BTLA: variants seen among roughly 807,000 people sequenced by gnomAD.
BTLA encodes the protein B- and T-lymphocyte attenuator.
BTLA carries 11 observed loss-of-function variants against 25.0 expected under a neutral mutation model. The observed-to-expected ratio is 0.44, with a 90% CI of 0.28 to 0.73. BTLA has a LOEUF of 0.73. Among genes scored for constraint, BTLA ranks in the 30% least tolerant of loss-of-function variants. The probability of loss-of-function intolerance (pLI) is 0.15; values close to 1 mark genes in which losing one functional copy is unlikely to be tolerated. For missense variants in BTLA, 282 were observed against 332.8 expected (o/e 0.85, Z 1.19); for synonymous variants, 104 against 119.8 (o/e 0.87, Z 0.86).
chr3:112,470,292 A>G, intron 3 of BTLA: 1 of 152,594 alleles, frequency 6.6e-6, no homozygotes, highest in Non-Finnish European at 1.5e-5. Context: ...GTTGCAGATG[A>G]AGAATTGGGG....
At position 112,465,870 on chromosome 3, in the gene BTLA, C is replaced by A; in HGVS notation, c.*238G>T. The A allele has an allele frequency of 2.6e-6, 1 of 383,762 alleles. No homozygotes were observed. Among genetic ancestry groups the A allele is most frequent in the Non-Finnish European group, 4.6e-6 (1 of 216,690 alleles). The allele number at this position is 383,762 out of a possible 1,614,324, so 23.8% of individuals were successfully genotyped here. A position where few individuals can be genotyped will look rare whatever the true frequency, so the allele number is the denominator to read the frequency against. On this transcript the variant is annotated 3_prime_UTR_variant, in exon 5 of 5. Coordinates refer to ENST00000334529, the MANE Select transcript of BTLA (RefSeq NM_181780.4). The stretch of plus-strand genomic sequence containing the variant: ...TCTACTATTCTGCTACTCATGATGT[C>A]AACCAGTTTTGGAGAGATTTTGTTA...
At position 112,465,851 on chromosome 3, in the gene BTLA, A is replaced by G; in HGVS notation, c.*257T>C. 2 of 341,784 alleles carry G rather than the reference A, an allele frequency of 5.9e-6. No individual in the cohort carries two copies. Among genetic ancestry groups the G allele is most frequent in the Non-Finnish European group, 1.1e-5 (2 of 189,294 alleles). The allele number at this position is 341,784 out of a possible 1,614,324, so 21.2% of individuals were successfully genotyped here. A position where few individuals can be genotyped will look rare whatever the true frequency, so the allele number is the denominator to read the frequency against. On this transcript the variant is annotated 3_prime_UTR_variant, in exon 5 of 5. Coordinates refer to ENST00000334529, the MANE Select transcript of BTLA (RefSeq NM_181780.4). Reference sequence around the variant, plus strand: ...TGTAGCTAAGTTTAAACGTTCTACTATTCTGCTACTCATGATGTCAACCAG... The same window carrying G: ...TGTAGCTAAGTTTAAACGTTCTACTGTTCTGCTACTCATGATGTCAACCAG...
At chr3:112,486,348 T>A (rs1275644468) in intron 1 of BTLA, among the ~76,000 whole-genome samples, 2 of 152,086 alleles carry the variant, frequency 1.3e-5, no homozygotes, top group African/African-American at 4.8e-5. Flanking sequence ...ATAAAAATAT[T>A]TTCAGAAATA....
At chr3:112,486,684 T>G (rs920932310) in intron 1 of BTLA, among the ~76,000 whole-genome samples, 1 of 152,188 alleles carries the variant, frequency 6.6e-6, no homozygotes, top group Non-Finnish European at 1.5e-5. Context: ...AAAGTTTTAT[T>G]TTCTAAAGTT....
intron 3 of BTLA, chr3:112,470,382 CCAGT>C (rs1439422578): frequency 2.0e-5 from 3 of 152,242 alleles, no homozygotes; most frequent in African/African-American, 7.2e-5. Flanking sequence ...GCACTTTTGC[CCAGT>C]CAAAGGTTAT....
At chr3:112,480,358 G>C (rs1009608425) in intron 1 of BTLA, among the ~76,000 whole-genome samples, 3 of 152,168 alleles carry the variant, frequency 2.0e-5, no homozygotes, top group African/African-American at 7.2e-5. Flanking sequence ...AAACAGCCTT[G>C]TTGCTCACAC....
At position 112,466,265 on chromosome 3, in the gene BTLA, T is replaced by G; in HGVS notation, c.713A>C (p.Glu238Ala). 6.2e-7 allele frequency: 1 copy of G among 1,614,102 alleles called. No homozygotes were observed. The highest frequency in any genetic ancestry group is 1.1e-5 in the South Asian group (1 of 91,058). The change falls in exon 5 of 5, where the codon GAA (glutamate) becomes GCA (alanine). Residue 238 changes from glutamate (E) to alanine (A), a missense_variant. Transcript: ENST00000334529. ...NDPDLCFRMQEGSEVYSNPCL... is the reference protein window; with the variant it reads ...NDPDLCFRMQAGSEVYSNPCL... ...TGGATTAGAATAAACTTCAGACCCTTCCTGCATCCTGAAACAAAGGTCAGG... is the reference window on the plus strand; with the variant it reads ...TGGATTAGAATAAACTTCAGACCCTGCCTGCATCCTGAAACAAAGGTCAGG...
chr3:112,486,294 T>G (rs761011352), intron 1 of BTLA, among the ~76,000 whole-genome samples: 4 of 152,206 alleles, frequency 2.6e-5, no homozygotes, highest in Non-Finnish European at 5.9e-5. Flanking sequence ...GATATTTTAT[T>G]TTAGGTCTAG....
intron 2 of BTLA, among the ~76,000 whole-genome samples, chr3:112,477,023 T>C (rs1470275705): frequency 6.6e-6 from 1 of 152,192 alleles, no homozygotes; most frequent in African/African-American, 2.4e-5. Flanking sequence ...TTCATTCCTT[T>C]TCATGACTGA....
At chr3:112,487,359 C>T (rs563365184) in intron 1 of BTLA, among the ~76,000 whole-genome samples, 4 of 152,198 alleles carry the variant, frequency 2.6e-5, no homozygotes, top group African/African-American at 9.6e-5. Flanking sequence ...CCAGGGCGGG[C>T]GGATCACCAG....
chr3:112,469,958 T>C, intron 3 of BTLA, 154 bp from the exon 4 acceptor site: 2 of 581,586 alleles, frequency 3.4e-6, no homozygotes, highest in Non-Finnish European at 6.2e-6. Flanking sequence ...TTGTTTGTGA[T>C]AATTCACACT....
intron 1 of BTLA, among the ~76,000 whole-genome samples, chr3:112,497,976 G>A (rs2082418826): frequency 1.3e-5 from 2 of 152,108 alleles, no homozygotes; most frequent in South Asian, 4.1e-4. Flanking sequence ...TTGAGGTCAG[G>A]AGCTCCAGAC....
upstream of BTLA, chr3:112,499,516 T>G: frequency 1.8e-6 from 1 of 564,174 alleles, no homozygotes; most frequent in Non-Finnish European, 3.1e-6. Context: ...GAGAGGAGAG[T>G]AGGAAGAGCC....
chr3:112,499,474 A>T, upstream of BTLA: 8 of 406,858 alleles, frequency 2.0e-5, no homozygotes, highest in South Asian at 9.4e-5. Flanking sequence ...GAAATAACTA[A>T]AAAAAAAAAA....
intron 1 of BTLA, among the ~76,000 whole-genome samples, chr3:112,493,513 T>TC (rs2082391394): frequency 2.6e-5 from 4 of 151,878 alleles, no homozygotes; most frequent in African/African-American, 4.8e-5. Flanking sequence ...CAGTTCTCTC[T>TC]GTTTTTTTTT....
intron 1 of BTLA, among the ~76,000 whole-genome samples, chr3:112,486,494 A>G (rs1431185974): frequency 6.6e-6 from 1 of 152,160 alleles, no homozygotes; most frequent in Admixed American, 6.5e-5. Flanking sequence ...AAAAAAGAAA[A>G]ATGCACAGGT....
At chr3:112,480,975 A>G (rs1367456029) in intron 1 of BTLA, among the ~76,000 whole-genome samples, 2 of 152,226 alleles carry the variant, frequency 1.3e-5, no homozygotes, top group African/African-American at 4.8e-5. Flanking sequence ...ATTCCCTCCA[A>G]CTATGATCAT....
chr3:112,466,036 A>G lies in BTLA; in HGVS notation c.*72T>C. The stretch of plus-strand genomic sequence containing the variant: ...CTCAAATTGAGAAATATTATTTGAC[A>G]TCCTGTTGAGCCCAGACAATGATGT... On this transcript the variant is annotated 3_prime_UTR_variant, in exon 5 of 5. Coordinates refer to ENST00000334529, the MANE Select transcript of BTLA (RefSeq NM_181780.4). The G allele has an allele frequency of 7.1e-7, 1 of 1,415,286 alleles. No individual in the cohort carries two copies. Among genetic ancestry groups the G allele is most frequent in the Non-Finnish European group, 9.5e-7 (1 of 1,056,142 alleles). 87.7% of individuals were successfully genotyped at this position (1,415,286 alleles called of 1,614,324 possible). A position where few individuals can be genotyped will look rare whatever the true frequency, so the allele number is the denominator to read the frequency against.
chr3:112,483,306 G>A (rs1182275001), intron 1 of BTLA, among the ~76,000 whole-genome samples: 1 of 151,296 alleles, frequency 6.6e-6, no homozygotes, highest in Non-Finnish European at 1.5e-5. Context: ...CCACCACCAC[G>A]CCCAGCTGAT....
Sources: gnomAD v4.1 joint callset for allele counts (sites outside exome capture counted in the v4.1 genomes callset) on GRCh38, gnomAD v4.1.1 for gene constraint, MANE v1.5 for transcripts, NCBI Gene and HGNC (gene_info 2026-07-23, HGNC 2026-07-21) for gene names.